LRP2: variants seen among roughly 807,000 people sequenced by gnomAD.
The protein encoded by LRP2 is LDL receptor related protein 2, also known as low-density lipoprotein receptor-related protein 2.
Under a neutral mutation model 531.0 loss-of-function variants are expected in LRP2, and 172 were observed. The observed-to-expected ratio is 0.32, with a 90% CI of 0.29 to 0.37. The LOEUF (loss-of-function observed/expected upper bound fraction) is 0.37, where lower values mean the gene tolerates loss of function less well. LRP2 is among the 10% of genes least tolerant of loss of function. LRP2 has a pLI of 1.00. For synonymous variants in LRP2, 1,992 were observed against 2,027.6 expected, an observed-to-expected ratio of 0.98 and a Z score of 0.47; for missense variants, 5,167 against 5,868.3, an observed-to-expected ratio of 0.88 and a Z score of 3.90.
At chr2:169,145,680 A>G in intron 70 of LRP2, 67 bp downstream of exon 70, 1 of 1,469,126 alleles carries the variant, frequency 6.8e-7, no homozygotes, top group Non-Finnish European at 9.5e-7. Context: ...TTCCAGCAAT[A>G]TAGCCATTAT....
chr2:169,319,231 A>G (rs1385283628), intron 2 of LRP2, among the ~76,000 whole-genome samples: 1 of 152,246 alleles, frequency 6.6e-6, no homozygotes, highest in East Asian at 1.9e-4. Context: ...TTTGTTTCAT[A>G]ATAACTAATA....
At chr2:169,175,107 T>C (rs1236025891) in intron 55 of LRP2, 86 bp downstream of exon 55, 1 of 1,361,064 alleles carries the variant, frequency 7.3e-7, no homozygotes. Flanking sequence ...TTTTAGTTCA[T>C]GATATTCAGG....
chr2:169,128,804 AAC>A lies in LRP2; in HGVS notation c.13825_13826del (p.Val4609CysfsTer13). ...AAGGTGATGGAGGTGGTGTCGCAGC[AAC>A]ACTTTCCTTTTGCTCGTTCTCCATC... Reference protein sequence around the residue: ...AQMENEQKESVAATPPPSPSL... With the variant: ...AQMENEQKESXAATPPPSPSL... On this transcript the variant is annotated frameshift_variant, in exon 79 of 79. Coordinates refer to ENST00000649046, the MANE Select transcript of LRP2 (RefSeq NM_004525.3). LOFTEE classifies it low-confidence loss of function (END_TRUNC). The A allele has an allele frequency of 6.2e-7, 1 of 1,614,106 alleles. No individual in the cohort carries two copies. Among genetic ancestry groups the A allele is most frequent in the Non-Finnish European group, 8.5e-7 (1 of 1,179,998 alleles).
chr2:169,237,986 A>G lies in LRP2; in HGVS notation c.4506+105T>C, dbSNP rs1048424196. On this transcript the variant is annotated intron_variant, in intron 27 of 78. Transcript: ENST00000649046. ...ATGATGTGGCCCAGAAGGTACCATG[A>G]GAGCTACCCAGATGAGGTAGGGCCT... is the stretch of plus-strand genomic sequence containing the variant. The G allele has an allele frequency of 9.8e-6, 9 of 914,806 alleles. No homozygotes were observed. The African/African-American group carries it at 1.5e-4, about 15-fold the overall frequency. The allele number at this position is 914,806 out of a possible 1,614,324, so 56.7% of individuals were successfully genotyped here. A position where few individuals can be genotyped will look rare whatever the true frequency, so the allele number is the denominator to read the frequency against.
intron 66 of LRP2, among the ~76,000 whole-genome samples, chr2:169,153,505 A>G (rs1180108687): frequency 6.6e-6 from 1 of 152,224 alleles, no homozygotes; most frequent in East Asian, 1.9e-4. Flanking sequence ...AGTGTATTGT[A>G]TTGCATGAAT....
At chr2:169,168,988 A>G (rs1270998406) in intron 60 of LRP2, among the ~76,000 whole-genome samples, 2 of 152,216 alleles carry the variant, frequency 1.3e-5, no homozygotes, top group Non-Finnish European at 2.9e-5. Context: ...CCACATCATC[A>G]ACGATAACCA....
chr2:169,291,812 T>C (rs1480595942), intron 7 of LRP2, among the ~76,000 whole-genome samples: 1 of 152,142 alleles, frequency 6.6e-6, no homozygotes, highest in Admixed American at 6.5e-5. Flanking sequence ...AACAAAAAAA[T>C]AAGCTGAACT....
chr2:169,154,950 G>A (rs1338073371), intron 65 of LRP2, among the ~76,000 whole-genome samples: 1 of 152,148 alleles, frequency 6.6e-6, no homozygotes. Flanking sequence ...AAACAGACTA[G>A]ACTGCAGACA....
At chr2:169,225,594 G>A in intron 32 of LRP2, 141 bp from the exon 33 acceptor site, 2 of 929,858 alleles carry the variant, frequency 2.2e-6, no homozygotes, top group Non-Finnish European at 1.7e-6. Context: ...CAAAGGTTCA[G>A]CACCACTGGG....
chr2:169,328,045 G>A (rs1161589481), intron 1 of LRP2, among the ~76,000 whole-genome samples: 5 of 135,448 alleles, frequency 3.7e-5, no homozygotes, highest in Admixed American at 7.1e-5. Context: ...CCGGCCAGCC[G>A]CCCCGTCCGG....
At chr2:169,200,017 A>G (rs778147346) in intron 44 of LRP2, among the ~76,000 whole-genome samples, 31 of 152,238 alleles carry the variant, frequency 2.0e-4, no homozygotes, top group South Asian at 1.2e-3. Flanking sequence ...TTGGGAGGCC[A>G]AGGTGGGCGG....
intron 1 of LRP2, among the ~76,000 whole-genome samples, chr2:169,333,442 G>A (rs1685317582): frequency 1.6e-5 from 2 of 123,048 alleles, no homozygotes; most frequent in African/African-American, 6.1e-5. Context: ...TCCAAAAGAT[G>A]ACAAAGAGAT....
In LRP2 at chr2:169,185,958, T is replaced by G. The variant is rs928211457; in HGVS notation, c.9390A>C (p.Leu3130Phe). The change falls in exon 50 of 79, where the codon TTA becomes TTC. Residue 3130 changes from leucine (L) to phenylalanine (F), a missense_variant. Leu to Phe is a conservative substitution (Grantham distance 22). This residue lies in a region of LRP2 where 1,129 missense variants were observed against 1,362.7 expected (regional missense o/e 0.83). Transcript: ENST00000649046. ...SGCDHNCTDT[L>F]TSFYCSCRPG... The stretch of plus-strand genomic sequence containing the variant: ...GACGACAGGAACAATAGAAACTGGT[T>G]AAGGTGTCTGTGCAGTTGTGATCGC... 3.1e-6 allele frequency: 5 copies of G among 1,614,050 alleles called. No homozygotes were observed. The highest frequency in any genetic ancestry group is 1.3e-5 in the African/African-American group (1 of 75,014).
At chr2:169,169,487 C>G (rs959867841) in intron 60 of LRP2, among the ~76,000 whole-genome samples, 2 of 152,148 alleles carry the variant, frequency 1.3e-5, no homozygotes, top group Admixed American at 1.3e-4. Flanking sequence ...TTAATATATT[C>G]TCCATTTAAA....
chr2:169,213,959 T>C, intron 35 of LRP2, 89 bp from the exon 36 acceptor site: 2 of 887,220 alleles, frequency 2.3e-6, no homozygotes, highest in Non-Finnish European at 3.7e-6. Context: ...TTATAATGTC[T>C]CACATTTATA....
chr2:169,334,258 A>G (rs750263888), intron 1 of LRP2, among the ~76,000 whole-genome samples: 91 of 152,318 alleles, frequency 6.0e-4, no homozygotes, highest in Non-Finnish European at 1.1e-3. Context: ...GTACGGCTTC[A>G]GTAATAAACT....
chr2:169,198,354 C>T (rs1049962254), intron 45 of LRP2, among the ~76,000 whole-genome samples: 2 of 152,098 alleles, frequency 1.3e-5, no homozygotes, highest in East Asian at 1.9e-4. Flanking sequence ...GCAGAGGCTG[C>T]GGTGAGCTGT....
intron 1 of LRP2, among the ~76,000 whole-genome samples, chr2:169,356,136 C>T (rs1685980478): frequency 1.3e-5 from 2 of 152,330 alleles, no homozygotes; most frequent in South Asian, 2.1e-4. Flanking sequence ...AAGCAATCCG[C>T]TCACCTCAGA....
intron 52 of LRP2, among the ~76,000 whole-genome samples, chr2:169,179,806 G>A (rs1490583381): frequency 3.6e-5 from 4 of 111,082 alleles, no homozygotes; most frequent in Non-Finnish European, 8.6e-5. Context: ...TCAATTGCAT[G>A]CTCTATAAAA....
Sources: allele counts gnomAD v4.1 joint callset (sites outside exome capture counted in the v4.1 genomes callset), GRCh38; gene constraint gnomAD v4.1.1; regional missense constraint gnomAD v4.1.1; transcripts MANE v1.5; gene names NCBI Gene and HGNC (gene_info 2026-07-23, HGNC 2026-07-21).